Variants in SLC12A7 observed in about 807,000 individuals in gnomAD.
The protein encoded by SLC12A7 is K-Cl cotransporter 4.
A neutral mutation model predicts 120.6 loss-of-function variants in SLC12A7; 100 were observed. That is an observed-to-expected ratio of 0.83 (90% CI 0.71 to 0.98). The LOEUF (loss-of-function observed/expected upper bound fraction) is 0.98, where lower values mean the gene tolerates loss of function less well. SLC12A7 is among the 50% of genes least tolerant of loss of function. The pLI is 0.00. For synonymous variants in SLC12A7, 760 were observed against 678.0 expected, an observed-to-expected ratio of 1.12 and a Z score of -1.88; for missense variants, 1,373 against 1,548.1, an observed-to-expected ratio of 0.89 and a Z score of 1.90.
chr5:1,095,169 G>A (rs895468264), intron 1 of SLC12A7, among the ~76,000 whole-genome samples: 5 of 152,148 alleles, frequency 3.3e-5, no homozygotes, highest in African/African-American at 1.2e-4. Flanking sequence ...GGAGGACACG[G>A]CAGGGAACCT....
At chr5:1,123,227 G>T in the SLC12A7 span, among the ~76,000 whole-genome samples, 2 of 152,208 alleles carry the variant, frequency 1.3e-5, no homozygotes, top group African/African-American at 4.8e-5. Flanking sequence ...CAGGGAGGCA[G>T]TGGCTTGCCC....
the SLC12A7 span, among the ~76,000 whole-genome samples, chr5:1,154,498 TATAGAC>T: frequency 1.1e-4 from 17 of 151,390 alleles, no homozygotes; most frequent in African/African-American, 4.1e-4. Flanking sequence ...CACATCACAC[TATAGAC>T]ATATACACAT....
intron 20 of SLC12A7, 91 bp from the exon 21 acceptor site, chr5:1,060,542 C>A: frequency 1.1e-6 from 1 of 951,634 alleles, no homozygotes; most frequent in Middle Eastern, 2.2e-4. Flanking sequence ...CCGAGCCGCC[C>A]TGAGCGGTGG....
chr5:1,085,759 GAAC>G (rs944235396), intron 6 of SLC12A7, among the ~76,000 whole-genome samples: 1 of 152,240 alleles, frequency 6.6e-6, no homozygotes, highest in Non-Finnish European at 1.5e-5. Flanking sequence ...CCAGGGGCCT[GAAC>G]GTTTCCCAGG....
intron 7 of SLC12A7, 95 bp from the exon 8 acceptor site, chr5:1,084,051 C>T (rs547877423): frequency 2.1e-5 from 22 of 1,053,918 alleles, no homozygotes; most frequent in East Asian, 1.8e-4. Context: ...TGGTGTCGCC[C>T]GCGAGTGGCT....
chr5:1,052,820 C>G (rs1467210213), intron 23 of SLC12A7, among the ~76,000 whole-genome samples: 1 of 152,202 alleles, frequency 6.6e-6, no homozygotes, highest in Non-Finnish European at 1.5e-5. Flanking sequence ...GAGGACATGC[C>G]CTCACTGGCC....
intron 22 of SLC12A7, among the ~76,000 whole-genome samples, chr5:1,055,619 C>T (rs1427444811): frequency 1.3e-5 from 2 of 152,254 alleles, no homozygotes; most frequent in Non-Finnish European, 2.9e-5. Flanking sequence ...CCTGACCCTA[C>T]AGGCCTGTGG....
chr5:1,067,939 A>C (rs1230543416), intron 17 of SLC12A7, among the ~76,000 whole-genome samples: 1 of 142,304 alleles, frequency 7.0e-6, no homozygotes, highest in Non-Finnish European at 1.5e-5. Flanking sequence ...TGCCCGGCGC[A>C]GCAGTCGCAG....
intron 4 of SLC12A7, among the ~76,000 whole-genome samples, chr5:1,088,565 C>T (rs1740144149): frequency 6.6e-6 from 1 of 152,192 alleles, no homozygotes; most frequent in Non-Finnish European, 1.5e-5. Flanking sequence ...CACCCCTTCC[C>T]CTATGACAGC....
At chr5:1,125,805 A>G in the SLC12A7 span, among the ~76,000 whole-genome samples, 1 of 151,776 alleles carries the variant, frequency 6.6e-6, no homozygotes, top group Admixed American at 6.6e-5. Flanking sequence ...TGTGCCTGTA[A>G]TCCCAGCTAC....
chr5:1,128,556 C>T, the SLC12A7 span, among the ~76,000 whole-genome samples: 9 of 152,322 alleles, frequency 5.9e-5, no homozygotes, highest in South Asian at 8.3e-4. Flanking sequence ...TGCTGCCCAG[C>T]CCCCAACACT....
chr5:1,136,385 C>A, the SLC12A7 span, among the ~76,000 whole-genome samples: 55 of 122,950 alleles, frequency 4.5e-4, no homozygotes, highest in African/African-American at 9.3e-4. Flanking sequence ...CACGCAGACA[C>A]ACGTGTGCTC....
At position 1,076,061 on chromosome 5, in the gene SLC12A7, G is replaced by A. The variant is rs929616321; in HGVS notation, c.1847+77C>T. ...CTGTGGGGCTCCTGACGCCTGTGCT[G>A]AGCGGCCTCACCAGTGGCAGAGGCA... On this transcript the variant is annotated intron_variant, in intron 14 of 23. Transcript: ENST00000264930. 28 of 1,249,896 alleles carry A rather than the reference G, an allele frequency of 2.2e-5. No individual in the cohort carries two copies. The South Asian group carries it at 3.1e-4, about 14-fold the overall frequency. 77.4% of individuals were successfully genotyped at this position (1,249,896 alleles called of 1,614,324 possible).
chr5:1,073,574 C>T lies in SLC12A7; in HGVS notation c.2241+59G>A, dbSNP rs10780095. 1,307,733 of 1,528,120 alleles carry T rather than the reference C, an allele frequency of 0.86. 575,913 individuals carry two copies. The highest frequency in any genetic ancestry group is 0.9 in the Non-Finnish European group (1,018,902 of 1,132,640). 94.7% of individuals were successfully genotyped at this position (1,528,120 alleles called of 1,614,324 possible). ...GCTGCGATGAGGACATGCCAGGGCA[C>T]GTTTCCTGTGCAGCTGGGGTGGGAA... On this transcript the variant is annotated intron_variant, in intron 17 of 23. Coordinates refer to ENST00000264930, the MANE Select transcript of SLC12A7 (RefSeq NM_006598.3).
intron 3 of SLC12A7, among the ~76,000 whole-genome samples, chr5:1,091,931 C>T (rs546157011): frequency 5.3e-5 from 8 of 152,310 alleles, no homozygotes; most frequent in Admixed American, 2.0e-4. Flanking sequence ...ACAGGGGGGG[C>T]GGCCACAAGC....
the SLC12A7 span, among the ~76,000 whole-genome samples, chr5:1,139,411 C>G: frequency 6.6e-6 from 1 of 152,266 alleles, no homozygotes; most frequent in Non-Finnish European, 1.5e-5. Context: ...GCCCTGGGCC[C>G]CAAACCAAGA....
At chr5:1,098,205 C>G in intron 1 of SLC12A7, among the ~76,000 whole-genome samples, 1 of 133,584 alleles carries the variant, frequency 7.5e-6, no homozygotes, top group African/African-American at 2.8e-5. Context: ...CTCTAACCCT[C>G]TGCACACCCA....
intron 14 of SLC12A7, chr5:1,075,903 G>A (rs1386934856): frequency 4.1e-5 from 22 of 536,266 alleles, no homozygotes; most frequent in East Asian, 1.2e-4. Context: ...GGGCATCCTC[G>A]TAACCAGAGG....
At chr5:1,126,235 G>A in the SLC12A7 span, among the ~76,000 whole-genome samples, 1 of 152,020 alleles carries the variant, frequency 6.6e-6, no homozygotes, top group Non-Finnish European at 1.5e-5. Flanking sequence ...TTACAGGCAT[G>A]GGCCACCATG....
Sources: allele counts gnomAD v4.1 joint callset (sites outside exome capture counted in the v4.1 genomes callset), GRCh38; gene constraint gnomAD v4.1.1; transcripts MANE v1.5; gene names NCBI Gene and HGNC (gene_info 2026-07-23, HGNC 2026-07-21).